The following ARL15 variants were observed in gnomAD, a reference collection of about 807,000 sequenced individuals.
ARL15 encodes the protein ARF like GTPase 15.
ARL15 carries 19 observed loss-of-function variants against 25.2 expected under a neutral mutation model. The ratio of observed to expected loss-of-function variants is 0.75; its 90% confidence interval spans 0.53 to 1.10. ARL15 has a LOEUF of 1.10. Among genes scored for constraint, ARL15 ranks in the 50% least tolerant of loss-of-function variants. The pLI is 0.00. For missense variants in ARL15, 220 were observed against 246.0 expected, an observed-to-expected ratio of 0.89 and a Z score of 0.71; for synonymous variants, 94 against 86.8, an observed-to-expected ratio of 1.08 and a Z score of -0.46.
intron 4 of ARL15, among the ~76,000 whole-genome samples, chr5:53,914,967 C>G (rs747918549): frequency 9.9e-5 from 15 of 152,156 alleles, no homozygotes; most frequent in Non-Finnish European, 2.1e-4. Context: ...TGTGCCAGCA[C>G]GCCCAGCTAA....
At chr5:54,077,783 G>A (rs1379703197) in intron 4 of ARL15, among the ~76,000 whole-genome samples, 2 of 152,152 alleles carry the variant, frequency 1.3e-5, no homozygotes, top group Non-Finnish European at 1.5e-5. Flanking sequence ...TGGCAAAGAT[G>A]TGAGGTTTTC....
chr5:53,893,269 G>GT (rs1744776566), intron 4 of ARL15, among the ~76,000 whole-genome samples: 1 of 152,090 alleles, frequency 6.6e-6, no homozygotes, highest in Non-Finnish European at 1.5e-5. Context: ...TTACACCACA[G>GT]AAACCTGCGA....
At chr5:54,156,504 T>G (rs1754237503) in intron 2 of ARL15, among the ~76,000 whole-genome samples, 1 of 152,238 alleles carries the variant, frequency 6.6e-6, no homozygotes, top group African/African-American at 2.4e-5. Flanking sequence ...ATTCAATCAT[T>G]AGGTATACAT....
chr5:54,286,663 T>C (rs1758186490), intron 1 of ARL15, among the ~76,000 whole-genome samples: 1 of 152,160 alleles, frequency 6.6e-6, no homozygotes, highest in Admixed American at 6.5e-5. Context: ...CAGGCAGATT[T>C]TGGCTGAAAT....
chr5:54,150,168 G>A (rs922651320), intron 3 of ARL15, among the ~76,000 whole-genome samples: 1 of 152,206 alleles, frequency 6.6e-6, no homozygotes, highest in Non-Finnish European at 1.5e-5. Flanking sequence ...TTCTAGAACT[G>A]AGCCTGGCAT....
chr5:54,231,889 C>T (rs934892003), intron 1 of ARL15, among the ~76,000 whole-genome samples: 9 of 152,122 alleles, frequency 5.9e-5, no homozygotes, highest in African/African-American at 2.2e-4. Context: ...TATCTCCAAA[C>T]GTAGTCACTG....
chr5:53,959,440 T>C (rs1416738926), intron 4 of ARL15, among the ~76,000 whole-genome samples: 1 of 151,906 alleles, frequency 6.6e-6, no homozygotes, highest in Non-Finnish European at 1.5e-5. Context: ...TTCACAGAGG[T>C]CATATTTTGG....
chr5:54,276,207 CTTTG>C (rs747408842), intron 1 of ARL15, among the ~76,000 whole-genome samples: 15 of 152,142 alleles, frequency 9.9e-5, no homozygotes, highest in Non-Finnish European at 2.2e-4. Context: ...GTGTGTCTCA[CTTTG>C]TTTTAGAGTT....
At chr5:54,082,504 A>T (rs921160193) in intron 4 of ARL15, among the ~76,000 whole-genome samples, 2 of 152,212 alleles carry the variant, frequency 1.3e-5, no homozygotes, top group Non-Finnish European at 2.9e-5. Context: ...AAATCCTGGT[A>T]ACATTTTAAA....
chr5:54,130,714 C>T (rs1457538163), intron 3 of ARL15, among the ~76,000 whole-genome samples: 1 of 151,916 alleles, frequency 6.6e-6, no homozygotes, highest in Non-Finnish European at 1.5e-5. Flanking sequence ...TGATACATAC[C>T]TGGGAAATAT....
intron 4 of ARL15, among the ~76,000 whole-genome samples, chr5:54,093,232 CTCTGT>C (rs1051812317): frequency 2.0e-5 from 3 of 152,144 alleles, no homozygotes; most frequent in African/African-American, 7.2e-5. Context: ...AGGGAGTTTG[CTCTGT>C]TCTAAGGTGA....
chr5:54,219,425 T>A (rs1756308542), intron 1 of ARL15, among the ~76,000 whole-genome samples: 1 of 152,132 alleles, frequency 6.6e-6, no homozygotes, highest in African/African-American at 2.4e-5. Context: ...GTAGGGACAG[T>A]GAGGTGTGCT....
chr5:54,093,913 GT>G (rs1752207221), intron 4 of ARL15, among the ~76,000 whole-genome samples: 1 of 152,128 alleles, frequency 6.6e-6, no homozygotes, highest in African/African-American at 2.4e-5. Flanking sequence ...TATAATTTAT[GT>G]GCATGCAACA....
intron 1 of ARL15, among the ~76,000 whole-genome samples, chr5:54,283,071 A>C (rs1427207692): frequency 6.6e-6 from 1 of 152,244 alleles, no homozygotes; most frequent in African/African-American, 2.4e-5. Flanking sequence ...TATTGTTGAC[A>C]AGTTAAAGCT....
intron 1 of ARL15, among the ~76,000 whole-genome samples, chr5:54,295,098 A>AC (rs1758432850): frequency 6.6e-6 from 1 of 152,246 alleles, no homozygotes; most frequent in Admixed American, 6.5e-5. Context: ...TTGTTTCATT[A>AC]TACTTGTGTT....
chr5:54,208,037 C>T (rs1177439615), intron 1 of ARL15, among the ~76,000 whole-genome samples: 1 of 152,052 alleles, frequency 6.6e-6, no homozygotes, highest in East Asian at 1.9e-4. Flanking sequence ...CCCTTTTCCC[C>T]CTTGCTTCCC....
At chr5:54,306,114 C>T (rs1758747861) in intron 1 of ARL15, among the ~76,000 whole-genome samples, 1 of 152,160 alleles carries the variant, frequency 6.6e-6, no homozygotes, top group African/African-American at 2.4e-5. Context: ...GAGGATATTA[C>T]AGCTGAGGGT....
At chr5:54,155,903 T>C (rs894754212) in intron 2 of ARL15, among the ~76,000 whole-genome samples, 2 of 152,226 alleles carry the variant, frequency 1.3e-5, no homozygotes, top group Non-Finnish European at 2.9e-5. Context: ...GGAGTTAATG[T>C]ATCAATAGTT....
chr5:54,160,668 T>C (rs1233187914), intron 2 of ARL15, among the ~76,000 whole-genome samples: 1 of 152,222 alleles, frequency 6.6e-6, no homozygotes, highest in African/African-American at 2.4e-5. Flanking sequence ...CTCTGGAGGA[T>C]TTCTTGGCTC....
Sources: gnomAD v4.1 joint callset for allele counts (sites outside exome capture counted in the v4.1 genomes callset) on GRCh38, gnomAD v4.1.1 for gene constraint, MANE v1.5 for transcripts, NCBI Gene and HGNC (gene_info 2026-07-23, HGNC 2026-07-21) for gene names.